Variants in CACNA1E observed in about 807,000 individuals in gnomAD.
CACNA1E encodes calcium voltage-gated channel subunit alpha1 E.
CACNA1E carries 40 observed loss-of-function variants against 259.2 expected under a neutral mutation model. The observed-to-expected ratio is 0.15, with a 90% confidence interval of 0.12 to 0.20. The LOEUF (loss-of-function observed/expected upper bound fraction) is 0.20, where lower values mean the gene tolerates loss of function less well. Among genes scored for constraint, CACNA1E ranks in the 10% least tolerant of loss-of-function variants. CACNA1E has a pLI of 1.00. For synonymous variants in CACNA1E, 1,104 were observed against 1,138.5 expected (o/e 0.97, Z 0.61); for missense variants, 1,874 against 3,040.1 (o/e 0.62, Z 9.02).
chr1:181,694,374 A>C (rs189961537), intron 7 of CACNA1E, among the ~76,000 whole-genome samples: 2 of 152,316 alleles, frequency 1.3e-5, no homozygotes, highest in East Asian at 3.9e-4. Context: ...TGGCATTGCT[A>C]TTGTTTGAAT....
intron 7 of CACNA1E, among the ~76,000 whole-genome samples, chr1:181,702,894 T>A (rs1652414646): frequency 6.6e-6 from 1 of 152,226 alleles, no homozygotes; most frequent in Non-Finnish European, 1.5e-5. Flanking sequence ...TAACATTCTG[T>A]TTATTATGCT....
At chr1:181,564,347 T>G (rs1558131669) in intron 3 of CACNA1E, among the ~76,000 whole-genome samples, 1 of 152,230 alleles carries the variant, frequency 6.6e-6, no homozygotes, top group Non-Finnish European at 1.5e-5. Context: ...CACAGCATCT[T>G]CATCAGGAGT....
At chr1:181,731,751 G>A (rs1172447384) in intron 19 of CACNA1E, among the ~76,000 whole-genome samples, 1 of 152,028 alleles carries the variant, frequency 6.6e-6, no homozygotes, top group Non-Finnish European at 1.5e-5. Flanking sequence ...ATGCTCGATC[G>A]CAGTTTTGAG....
At chr1:181,378,015 T>C (rs1418877102) in intron 1 of CACNA1E, among the ~76,000 whole-genome samples, 1 of 152,232 alleles carries the variant, frequency 6.6e-6, no homozygotes, top group Admixed American at 6.5e-5. Context: ...CGGAAATTAT[T>C]TTGGTAATTC....
chr1:181,359,299 G>C (rs1653686661), intron 1 of CACNA1E, among the ~76,000 whole-genome samples: 1 of 152,158 alleles, frequency 6.6e-6, no homozygotes, highest in African/African-American at 2.4e-5. Context: ...GGGAACAGAG[G>C]GGAGAGATGG....
intron 1 of CACNA1E, among the ~76,000 whole-genome samples, chr1:181,319,274 G>A (rs1421927193): frequency 6.6e-6 from 1 of 152,244 alleles, no homozygotes; most frequent in African/African-American, 2.4e-5. Context: ...GCTGAACTCA[G>A]AGAAGTGTTT....
intron 3 of CACNA1E, among the ~76,000 whole-genome samples, chr1:181,536,124 G>A (rs756444126): frequency 4.0e-5 from 6 of 151,882 alleles, no homozygotes; most frequent in Non-Finnish European, 7.4e-5. Flanking sequence ...TTATTTTTAT[G>A]GCATTTTAAG....
intron 7 of CACNA1E, among the ~76,000 whole-genome samples, chr1:181,696,567 T>C (rs1572629529): frequency 6.6e-6 from 1 of 152,306 alleles, no homozygotes; most frequent in Non-Finnish European, 1.5e-5. Context: ...AAGGAGTAGA[T>C]TAAACCTGTG....
At chr1:181,454,847 A>T (rs148692400) in intron 2 of CACNA1E, among the ~76,000 whole-genome samples, 42 of 151,656 alleles carry the variant, frequency 2.8e-4, no homozygotes, top group Non-Finnish European at 5.7e-4. Flanking sequence ...CATAGCCAAG[A>T]CATGCAAAGT....
chr1:181,363,157 G>C (rs1571667530), intron 1 of CACNA1E, among the ~76,000 whole-genome samples: 1 of 152,146 alleles, frequency 6.6e-6, no homozygotes, highest in African/African-American at 2.4e-5. Context: ...GGTGCTGAAG[G>C]TTATAAAGAA....
At chr1:181,699,995 T>C (rs1228260835) in intron 7 of CACNA1E, among the ~76,000 whole-genome samples, 2 of 152,090 alleles carry the variant, frequency 1.3e-5, no homozygotes, top group African/African-American at 4.8e-5. Flanking sequence ...GAATTTGGGC[T>C]GGAGACAAAA....
intron 7 of CACNA1E, among the ~76,000 whole-genome samples, chr1:181,697,074 C>T (rs897411588): frequency 6.6e-6 from 1 of 152,106 alleles, no homozygotes; most frequent in Non-Finnish European, 1.5e-5. Context: ...GACCTCGGGT[C>T]CTATCCTTTC....
intron 2 of CACNA1E, among the ~76,000 whole-genome samples, chr1:181,441,296 C>T (rs1202762038): frequency 1.3e-5 from 2 of 152,152 alleles, no homozygotes; most frequent in East Asian, 1.9e-4. Context: ...GGACTACAAG[C>T]GCCTGCCACC....
chr1:181,366,350 T>C (rs534201529), intron 1 of CACNA1E, among the ~76,000 whole-genome samples: 12 of 152,308 alleles, frequency 7.9e-5, no homozygotes, highest in African/African-American at 2.9e-4. Context: ...TAGAATCTGA[T>C]TGGATTTACT....
At chr1:181,665,695 G>T (rs1194149075) in intron 7 of CACNA1E, among the ~76,000 whole-genome samples, 1 of 152,032 alleles carries the variant, frequency 6.6e-6, no homozygotes, top group Admixed American at 6.6e-5. Flanking sequence ...ACATATTTAT[G>T]TATCGAAACA....
At chr1:181,714,341 G>A (rs1211707217) in intron 8 of CACNA1E, among the ~76,000 whole-genome samples, 1 of 152,186 alleles carries the variant, frequency 6.6e-6, no homozygotes, top group East Asian at 1.9e-4. Flanking sequence ...GTATGGTGGT[G>A]GGGAGCACAG....
chr1:181,705,407 A>T (rs1382824025), intron 7 of CACNA1E, among the ~76,000 whole-genome samples: 1 of 152,250 alleles, frequency 6.6e-6, no homozygotes, highest in Non-Finnish European at 1.5e-5. Context: ...AGCAGTCACA[A>T]ATACAAATGT....
At chr1:181,721,912 C>A in intron 16 of CACNA1E, 37 bp downstream of exon 16, 1 of 1,301,040 alleles carries the variant, frequency 7.7e-7, no homozygotes, top group Non-Finnish European at 1.1e-6. Flanking sequence ...AAGCTGCCTG[C>A]CTTCCTGGAC....
intron 6 of CACNA1E, among the ~76,000 whole-genome samples, chr1:181,615,958 T>C (rs758514699): frequency 6.6e-6 from 1 of 152,230 alleles, no homozygotes; most frequent in Non-Finnish European, 1.5e-5. Context: ...AGTTGAACTT[T>C]ACTAAATTTT....
Sources: gnomAD v4.1 joint callset for allele counts (sites outside exome capture counted in the v4.1 genomes callset) on GRCh38, gnomAD v4.1.1 for gene constraint, MANE v1.5 for transcripts, NCBI Gene and HGNC (gene_info 2026-07-23, HGNC 2026-07-21) for gene names.